SP100: variants seen among roughly 807,000 people sequenced by gnomAD.
SP100 encodes SP100 nuclear body protein.
SP100 carries 84 observed loss-of-function variants against 130.0 expected under a neutral mutation model. That is an observed-to-expected ratio of 0.65 (90% CI 0.54 to 0.77). SP100 has a LOEUF of 0.77. Ranked by LOEUF, SP100 falls within the 30% of genes least tolerant of loss-of-function variation. The pLI, the probability that SP100 is intolerant of heterozygous loss-of-function variation, is 0.00. For missense variants in SP100, 978 were observed against 1,052.2 expected, an observed-to-expected ratio of 0.93 and a Z score of 0.97; for synonymous variants, 331 against 351.7, an observed-to-expected ratio of 0.94 and a Z score of 0.66.
chr2:230,542,113 C>T, intron 28 of SP100, 78 bp downstream of exon 28: 1 of 1,466,052 alleles, frequency 6.8e-7, no homozygotes, highest in Non-Finnish European at 9.5e-7. Context: ...CTTTTCATGT[C>T]AGGTAAATGT....
chr2:230,502,899 C>A (rs1200565178), intron 19 of SP100, among the ~76,000 whole-genome samples, 167 bp from the exon 20 acceptor site: 1 of 152,128 alleles, frequency 6.6e-6, no homozygotes, highest in Admixed American at 6.6e-5. Context: ...AACTGAAAAA[C>A]CTTAACTACT....
Position 230,508,085 on chromosome 2 carries a change from C to G in SP100, c.2052+54C>G, listed in dbSNP as rs1365949583. ...TCTCGTCTATTATGTTGTTGATTTT[C>G]TATCTCTGTGGACTTACAGTCTTTA... is the stretch of plus-strand genomic sequence containing the variant. On this transcript the variant is annotated intron_variant, in intron 23 of 28. Transcript: ENST00000340126. 3.7e-6 allele frequency: 6 copies of G among 1,605,942 alleles called. No homozygotes were observed. In the Admixed American group the frequency reaches 1.0e-4, roughly 27 times the overall value.
intron 11 of SP100, among the ~76,000 whole-genome samples, chr2:230,465,323 T>C (rs1421710472): frequency 2.0e-5 from 3 of 151,566 alleles, no homozygotes; most frequent in Non-Finnish European, 4.4e-5. Flanking sequence ...CACTGGAACC[T>C]GGGAAGTTGA....
intron 8 of SP100, among the ~76,000 whole-genome samples, chr2:230,459,379 G>T (rs2064461192): frequency 6.6e-6 from 1 of 151,938 alleles, no homozygotes; most frequent in Non-Finnish European, 1.5e-5. Context: ...TATCAAAATG[G>T]CCCCTGTGAC....
rs75682703 is a variant in SP100, at chr2:230,461,207, A to G, written c.821-55A>G. 12,760 of 1,550,938 alleles carry G rather than the reference A, an allele frequency of 8.2e-3. 67 individuals are homozygous for G. Among genetic ancestry groups the G allele is most frequent in the Non-Finnish European group, 9.8e-3 (11,015 of 1,128,994 alleles). On this transcript the variant is annotated intron_variant, in intron 8 of 28. Transcript: ENST00000340126. ...GCAGAGAGGGGGAGTTATTAATGAT[A>G]GTGAAGGAGGTTCACTGGGGACACA...
chr2:230,539,290 G>A lies in SP100; in HGVS notation c.2118G>A (p.Glu706=), dbSNP rs760465314. 1.2e-6 allele frequency: 2 copies of A among 1,613,778 alleles called. No individual in the cohort carries two copies. Among genetic ancestry groups the A allele is most frequent in the Non-Finnish European group, 1.7e-6 (2 of 1,179,700 alleles). Residue 706 remains glutamate, a synonymous_variant, in exon 25 of 29, where the codon GAG becomes GAA. Coordinates refer to ENST00000340126, the MANE Select transcript of SP100 (RefSeq NM_001080391.2). ...DPCPENSNIC[E]VCNKWGRLFC... is the part of the protein sequence containing the mutation. ...AGCCGGAAAACTCAAATATATGTGAGGTGTGCAACAAATGGGGACGGCTGT... is the reference window on the plus strand; with the variant it reads ...AGCCGGAAAACTCAAATATATGTGAAGTGTGCAACAAATGGGGACGGCTGT...
At chr2:230,463,834 G>A (rs909618572) in intron 10 of SP100, 1 of 323,480 alleles carries the variant, frequency 3.1e-6, no homozygotes, top group Non-Finnish European at 5.8e-6. Context: ...AGTAAAAGAA[G>A]CGTGGGAAAG....
At chr2:230,499,784 T>A (rs1332447404) in intron 19 of SP100, among the ~76,000 whole-genome samples, 1 of 151,944 alleles carries the variant, frequency 6.6e-6, no homozygotes, top group Non-Finnish European at 1.5e-5. Context: ...CAGAGGTGAG[T>A]CTGAGAGTCT....
At chr2:230,503,444 A>G (rs1031688119) in intron 20 of SP100, among the ~76,000 whole-genome samples, 2 of 152,228 alleles carry the variant, frequency 1.3e-5, no homozygotes, top group African/African-American at 4.8e-5. Flanking sequence ...TGGGATATCC[A>G]TCACTTTAAA....
intron 2 of SP100, among the ~76,000 whole-genome samples, chr2:230,424,343 C>T (rs1048852640): frequency 2.0e-5 from 3 of 152,232 alleles, no homozygotes; most frequent in Non-Finnish European, 2.9e-5. Flanking sequence ...TATGGATAAG[C>T]ATAATGAAGT....
intron 1 of SP100, 108 bp downstream of exon 1, chr2:230,416,436 G>T (rs1376058179): frequency 4.3e-6 from 4 of 931,146 alleles, no homozygotes; most frequent in Middle Eastern, 2.2e-4. Context: ...TTCTTTGCAA[G>T]AACATAGGTA....
chr2:230,511,962 G>A (rs1445554130), intron 24 of SP100, among the ~76,000 whole-genome samples: 4 of 152,126 alleles, frequency 2.6e-5, no homozygotes, highest in Non-Finnish European at 5.9e-5. Context: ...AACCTTCTGG[G>A]CTTAAGTGAT....
chr2:230,426,944 A>C (rs191562779), intron 2 of SP100, among the ~76,000 whole-genome samples: 2 of 151,988 alleles, frequency 1.3e-5, no homozygotes, highest in Admixed American at 1.3e-4. Flanking sequence ...TGTATGCAAA[A>C]ATATTTACAG....
chr2:230,473,726 C>T (rs879904854), intron 16 of SP100, among the ~76,000 whole-genome samples: 2 of 152,102 alleles, frequency 1.3e-5, no homozygotes, highest in Non-Finnish European at 1.5e-5. Flanking sequence ...TTGGGAACTG[C>T]AGGGAGGCAA....
At chr2:230,418,657 T>A (rs993936050) in intron 2 of SP100, among the ~76,000 whole-genome samples, 3 of 152,134 alleles carry the variant, frequency 2.0e-5, no homozygotes, top group Non-Finnish European at 4.4e-5. Flanking sequence ...TGAGCTACAG[T>A]TTGAAGTCTT....
At position 230,453,997 on chromosome 2, in the gene SP100, T is replaced by C. The variant is rs142600053; in HGVS notation, c.820+3742T>C. Among the ~76,000 whole-genome samples the C allele has an allele frequency of 3.3e-3, 498 of 152,324 alleles. 3 individuals carry two copies. Among genetic ancestry groups the C allele is most frequent in the African/African-American group, 0.011 (478 of 41,578 alleles). ...CATTATTGGTCTGTTCAGATTTTCC[T>C]GTTTCTTTGTTATTCAGTCTTGGTA... is the stretch of plus-strand genomic sequence containing the variant. On this transcript the variant is annotated intron_variant, in intron 8 of 28. Coordinates refer to ENST00000340126, the MANE Select transcript of SP100 (RefSeq NM_001080391.2).
intron 8 of SP100, among the ~76,000 whole-genome samples, chr2:230,456,140 C>G (rs550647144): frequency 6.6e-6 from 1 of 152,092 alleles, no homozygotes; most frequent in African/African-American, 2.4e-5. Context: ...CGGTCTTTAT[C>G]TCTCCTTTAT....
chr2:230,420,523 G>A (rs998782041), intron 2 of SP100, among the ~76,000 whole-genome samples: 3 of 152,058 alleles, frequency 2.0e-5, no homozygotes, highest in Non-Finnish European at 2.9e-5. Flanking sequence ...CTTTCTTATA[G>A]ACACCTTTTT....
At position 230,416,261 on chromosome 2, in the gene SP100, A is replaced by T; in HGVS notation, c.-36A>T. 6.3e-7 allele frequency: 1 copy of T among 1,599,080 alleles called. No homozygotes were observed. Among genetic ancestry groups the T allele is most frequent in the Non-Finnish European group, 8.6e-7 (1 of 1,167,914 alleles). Reference sequence around the variant, plus strand: ...GGGCCGACTGAGGGGCTCAGAGGCCAGGCTCTGAGGCCCACGCAGGGCCTA... The same window carrying T: ...GGGCCGACTGAGGGGCTCAGAGGCCTGGCTCTGAGGCCCACGCAGGGCCTA... On this transcript the variant is annotated 5_prime_UTR_variant, in exon 1 of 29. Transcript: ENST00000340126.
Sources: allele counts gnomAD v4.1 joint callset (sites outside exome capture counted in the v4.1 genomes callset), GRCh38; gene constraint gnomAD v4.1.1; transcripts MANE v1.5; gene names NCBI Gene and HGNC (gene_info 2026-07-23, HGNC 2026-07-21).